Variants in STK17A observed in about 807,000 individuals in gnomAD.
STK17A encodes the protein serine/threonine kinase 17a, also known as serine/threonine-protein kinase 17A.
In STK17A, 26 loss-of-function variants were observed where a neutral mutation model predicts 43.7. That is an observed-to-expected ratio of 0.60 (90% CI 0.44 to 0.83). The LOEUF is 0.83. STK17A is among the 40% of genes least tolerant of loss of function. The pLI, the probability that STK17A is intolerant of heterozygous loss-of-function variation, is 0.00. For synonymous variants in STK17A, 191 were observed against 182.5 expected, an observed-to-expected ratio of 1.05 and a Z score of -0.38; for missense variants, 476 against 511.6, an observed-to-expected ratio of 0.93 and a Z score of 0.67.
chr7:43,623,766 T>A lies in STK17A; in HGVS notation c.798T>A (p.Asn266Lys). 1 of 1,608,396 alleles carries A rather than the reference T, an allele frequency of 6.2e-7. No individual in the cohort carries two copies. The highest frequency in any genetic ancestry group is 8.5e-7 in the Non-Finnish European group (1 of 1,178,134). ...CAGGAATATCACCTTTCTTAGGCAA[T>A]GATAAACAAGAAACATTCTTAAACA... ...MLTGISPFLGNDKQETFLNIS... is the reference protein window; with the variant it reads ...MLTGISPFLGKDKQETFLNIS... Residue 266 changes from asparagine (N) to lysine (K), a missense_variant, in exon 6 of 7, where the codon AAT becomes AAA. By Grantham distance (94) the Asn-to-Lys change is moderately conservative. Coordinates refer to ENST00000319357, the MANE Select transcript of STK17A (RefSeq NM_004760.3).
At chr7:43,584,890 C>A (rs1006050436) in intron 1 of STK17A, among the ~76,000 whole-genome samples, 1 of 152,164 alleles carries the variant, frequency 6.6e-6, no homozygotes, top group Non-Finnish European at 1.5e-5. Context: ...TGAAGTAACC[C>A]CTATTACCTG....
intron 3 of STK17A, among the ~76,000 whole-genome samples, chr7:43,616,621 G>C (rs1428505792): frequency 6.6e-6 from 1 of 152,186 alleles, no homozygotes; most frequent in Non-Finnish European, 1.5e-5. Flanking sequence ...CGTCTGGCCG[G>C]GCGCGGTGGC....
At chr7:43,595,305 T>G (rs990881517) in intron 1 of STK17A, among the ~76,000 whole-genome samples, 1 of 131,450 alleles carries the variant, frequency 7.6e-6, no homozygotes, top group Non-Finnish European at 1.6e-5. Flanking sequence ...GGAGACAGAG[T>G]CTCACTCTGT....
intron 3 of STK17A, among the ~76,000 whole-genome samples, chr7:43,619,336 G>A (rs1233694142): frequency 1.3e-5 from 2 of 152,118 alleles, no homozygotes; most frequent in Non-Finnish European, 2.9e-5. Flanking sequence ...ATGGGGAATG[G>A]TTTCCATAAG....
chr7:43,611,074 G>A (rs983991958), intron 3 of STK17A, among the ~76,000 whole-genome samples: 12 of 152,162 alleles, frequency 7.9e-5, no homozygotes, highest in Admixed American at 4.6e-4. Flanking sequence ...CCGAGATTGC[G>A]CCACTGCACT....
intron 2 of STK17A, among the ~76,000 whole-genome samples, chr7:43,603,125 C>G (rs1359493883): frequency 6.6e-6 from 1 of 152,126 alleles, no homozygotes; most frequent in African/African-American, 2.4e-5. Context: ...CTGGGAAATC[C>G]CTCCTGCTAC....
intron 3 of STK17A, among the ~76,000 whole-genome samples, chr7:43,615,960 C>A (rs144511817): frequency 6.6e-6 from 1 of 152,172 alleles, no homozygotes; most frequent in Non-Finnish European, 1.5e-5. Context: ...CAACCACTCT[C>A]GCCCATCACC....
chr7:43,593,318 G>C (rs966177990), intron 1 of STK17A, among the ~76,000 whole-genome samples: 1 of 152,134 alleles, frequency 6.6e-6, no homozygotes, highest in African/African-American at 2.4e-5. Context: ...CACTTAGGTT[G>C]GTATCTTTGC....
At chr7:43,589,943 ATTTTATTTT>A (rs372411027) in intron 1 of STK17A, among the ~76,000 whole-genome samples, 35,648 of 144,884 alleles carry the variant, frequency 0.25, 5,867 homozygotes, top group Non-Finnish European at 0.31. Context: ...TTTTAATTTT[ATTTTATTTT>A]ATTTTATTTT....
At chr7:43,597,731 G>C (rs2082527700) in intron 2 of STK17A, among the ~76,000 whole-genome samples, 1 of 152,024 alleles carries the variant, frequency 6.6e-6, no homozygotes, top group Non-Finnish European at 1.5e-5. Context: ...CCAGGAGTTG[G>C]AGACCACCCT....
At position 43,627,256 on chromosome 7, in the gene STK17A, G is replaced by A. The variant is rs1162617281; in HGVS notation, c.*2414G>A. Among the ~76,000 whole-genome samples the A allele has an allele frequency of 6.6e-6, 1 of 152,130 alleles. No homozygotes were observed. Among genetic ancestry groups the A allele is most frequent in the African/African-American group, 2.4e-5 (1 of 41,432 alleles). ...TGTTGTTTTCAAATGAAAACTAGGAGGTAATTAATACCTTTCTCTAGTAGT... is the reference window on the plus strand; with the variant it reads ...TGTTGTTTTCAAATGAAAACTAGGAAGTAATTAATACCTTTCTCTAGTAGT... On this transcript the variant is annotated 3_prime_UTR_variant, in exon 7 of 7. Transcript: ENST00000319357.
At chr7:43,623,026 G>C (rs1224658242) in intron 4 of STK17A, 1 of 152,394 alleles carries the variant, frequency 6.6e-6, no homozygotes, top group East Asian at 1.9e-4. Flanking sequence ...CAACTTAGTT[G>C]CCTTTGTCCC....
chr7:43,623,980 C>A, intron 6 of STK17A, 92 bp downstream of exon 6: 1 of 915,172 alleles, frequency 1.1e-6, no homozygotes, highest in Non-Finnish European at 1.5e-6. Flanking sequence ...TGAATCTCCT[C>A]CAACCAAAAA....
At chr7:43,605,834 A>G (rs7802995) in intron 2 of STK17A, among the ~76,000 whole-genome samples, 26,481 of 151,908 alleles carry the variant, frequency 0.17, 2,772 homozygotes, top group East Asian at 0.33. Flanking sequence ...CCAGAGGGCA[A>G]GTGCCATACC....
intron 1 of STK17A, among the ~76,000 whole-genome samples, chr7:43,589,942 T>TTTA (rs2082468285): frequency 2.3e-5 from 2 of 86,210 alleles, no homozygotes; most frequent in African/African-American, 6.5e-5. Flanking sequence ...ATTTTAATTT[T>TTTA]ATTTTATTTT....
At chr7:43,600,039 C>A (rs2082544922) in intron 2 of STK17A, among the ~76,000 whole-genome samples, 1 of 152,132 alleles carries the variant, frequency 6.6e-6, no homozygotes, top group African/African-American at 2.4e-5. Flanking sequence ...CTACCTAGTC[C>A]ACTCGGACTC....
chr7:43,595,579 A>G (rs929777136), intron 1 of STK17A, among the ~76,000 whole-genome samples: 6 of 152,198 alleles, frequency 3.9e-5, no homozygotes, highest in African/African-American at 1.4e-4. Context: ...CCTGGCTTCA[A>G]CTGGCTTTTT....
At chr7:43,590,700 C>T (rs1032913893) in intron 1 of STK17A, among the ~76,000 whole-genome samples, 1 of 151,462 alleles carries the variant, frequency 6.6e-6, no homozygotes, top group African/African-American at 2.4e-5. Flanking sequence ...CAACAAACAT[C>T]TTATGCCCTT....
intron 1 of STK17A, among the ~76,000 whole-genome samples, chr7:43,592,467 T>C: frequency 7.0e-6 from 1 of 142,806 alleles, no homozygotes; most frequent in Non-Finnish European, 1.6e-5. Context: ...ATGAAAATTA[T>C]ATTTGCAGTT....
Sources: allele counts gnomAD v4.1 joint callset (sites outside exome capture counted in the v4.1 genomes callset), GRCh38; gene constraint gnomAD v4.1.1; transcripts MANE v1.5; gene names NCBI Gene and HGNC (gene_info 2026-07-23, HGNC 2026-07-21).